The following EFCAB11 variants were observed in gnomAD, a reference collection of about 807,000 sequenced individuals.
EFCAB11 encodes the protein EF-hand calcium binding domain 11.
In EFCAB11, 14 loss-of-function variants were observed where a neutral mutation model predicts 23.0. The observed-to-expected ratio is 0.61, with a 90% CI of 0.40 to 0.95. The LOEUF is 0.95. Ranked by LOEUF, EFCAB11 falls within the 40% of genes least tolerant of loss-of-function variation. EFCAB11 has a pLI of 0.00. For missense variants in EFCAB11, 198 were observed against 195.8 expected (o/e 1.01, Z -0.07); for synonymous variants, 65 against 66.6 (o/e 0.98, Z 0.11).
chr14:89,907,962 C>G (rs752460875), intron 5 of EFCAB11, among the ~76,000 whole-genome samples: 2 of 152,168 alleles, frequency 1.3e-5, no homozygotes, highest in African/African-American at 4.8e-5. Context: ...GCATTTAGAA[C>G]AGGGCTTGGC....
chr14:89,908,341 A>T (rs1475689720), intron 5 of EFCAB11, among the ~76,000 whole-genome samples: 1 of 152,204 alleles, frequency 6.6e-6, no homozygotes, highest in Non-Finnish European at 1.5e-5. Flanking sequence ...ATAAATGAAG[A>T]AACTAAGGCA....
At chr14:89,906,594 T>C (rs770466735) in intron 5 of EFCAB11, among the ~76,000 whole-genome samples, 1 of 152,178 alleles carries the variant, frequency 6.6e-6, no homozygotes, top group Non-Finnish European at 1.5e-5. Context: ...CATTGAAAAA[T>C]TGAAGACAGA....
chr14:89,945,762 G>A (rs1181852408), intron 3 of EFCAB11, among the ~76,000 whole-genome samples: 1 of 152,062 alleles, frequency 6.6e-6, no homozygotes, highest in Non-Finnish European at 1.5e-5. Context: ...TGCTGTTCAC[G>A]TCTCCTATAT....
chr14:89,906,352 CT>C (rs1269563657), intron 5 of EFCAB11, among the ~76,000 whole-genome samples: 1 of 152,094 alleles, frequency 6.6e-6, no homozygotes, highest in Non-Finnish European at 1.5e-5. Flanking sequence ...TTCAATACAA[CT>C]GAGATAATTT....
intron 5 of EFCAB11, among the ~76,000 whole-genome samples, chr14:89,847,611 T>C (rs2140135228): frequency 6.6e-6 from 1 of 152,052 alleles, no homozygotes; most frequent in South Asian, 2.1e-4. Flanking sequence ...TGGTGGCACA[T>C]GCCTGTAATT....
chr14:89,879,917 A>G (rs1888550570), intron 5 of EFCAB11, among the ~76,000 whole-genome samples: 1 of 152,202 alleles, frequency 6.6e-6, no homozygotes, highest in African/African-American at 2.4e-5. Flanking sequence ...AGCAAAATTC[A>G]TTACGTATAA....
intron 5 of EFCAB11, among the ~76,000 whole-genome samples, chr14:89,836,203 C>T (rs1232265218): frequency 3.3e-5 from 5 of 151,524 alleles, no homozygotes; most frequent in African/African-American, 7.3e-5. Flanking sequence ...TGGGGCCCAG[C>T]ATAAGACTCA....
chr14:89,928,134 C>T (rs1890252014), intron 5 of EFCAB11, among the ~76,000 whole-genome samples: 2 of 152,160 alleles, frequency 1.3e-5, no homozygotes, highest in South Asian at 2.1e-4. Flanking sequence ...CTGTATGTTA[C>T]AGTGGTTTCC....
At chr14:89,833,079 T>G (rs1886939840) in intron 5 of EFCAB11, 1 of 152,200 alleles carries the variant, frequency 6.6e-6, no homozygotes, top group African/African-American at 2.4e-5. Context: ...CTACTTACGT[T>G]GCAAACAACG....
intron 5 of EFCAB11, among the ~76,000 whole-genome samples, chr14:89,802,265 C>T (rs963018545): frequency 1.3e-5 from 2 of 148,570 alleles, no homozygotes; most frequent in Middle Eastern, 3.5e-3. Context: ...TACATTGAAA[C>T]GATGGAATCT....
rs545292394 is a variant in EFCAB11, at chr14:89,931,640, A to C, written c.320-9T>G. The C allele has an allele frequency of 6.2e-6, 10 of 1,610,490 alleles. No individual in the cohort carries two copies. The highest frequency in any genetic ancestry group is 1.7e-4 in the Middle Eastern group (1 of 6,058). On this transcript the variant is annotated splice_polypyrimidine_tract_variant and intron_variant, in intron 4 of 5. Transcript: ENST00000316738. The stretch of plus-strand genomic sequence containing the variant: ...AGTTAAAAATCCACGATCTATTTGA[A>C]AACAATAAAAAATATTCACTTACTT...
chr14:89,868,732 A>G (rs149296070), intron 5 of EFCAB11, among the ~76,000 whole-genome samples: 1 of 152,352 alleles, frequency 6.6e-6, no homozygotes, highest in East Asian at 1.9e-4. Context: ...CAGCAAACTA[A>G]GGATAAAGAC....
intron 5 of EFCAB11, chr14:89,836,494 G>T: frequency 2.2e-6 from 1 of 451,934 alleles, no homozygotes; most frequent in South Asian, 1.6e-5. Flanking sequence ...AAGCATGGAT[G>T]TTGGGGGCGG....
At chr14:89,817,591 G>T (rs1886375365) in intron 5 of EFCAB11, among the ~76,000 whole-genome samples, 1 of 152,030 alleles carries the variant, frequency 6.6e-6, no homozygotes, top group Admixed American at 6.6e-5. Context: ...ACATTGTAAA[G>T]AAAAATTTAA....
intron 5 of EFCAB11, among the ~76,000 whole-genome samples, chr14:89,865,743 T>C (rs1410964596): frequency 6.6e-6 from 1 of 152,108 alleles, no homozygotes; most frequent in Non-Finnish European, 1.5e-5. Flanking sequence ...CAGCACACTG[T>C]GGCCTCCACC....
chr14:89,910,227 G>A (rs1184508451), intron 5 of EFCAB11, among the ~76,000 whole-genome samples: 2 of 152,212 alleles, frequency 1.3e-5, no homozygotes, highest in Non-Finnish European at 1.5e-5. Flanking sequence ...GGGACAAAGA[G>A]AAGGCAGGAG....
chr14:89,800,935 C>A (rs113481096), intron 5 of EFCAB11, among the ~76,000 whole-genome samples: 1 of 150,488 alleles, frequency 6.6e-6, no homozygotes, highest in Non-Finnish European at 1.5e-5. Context: ...CCCAGCTACT[C>A]GGGAGGCTGA....
intron 5 of EFCAB11, among the ~76,000 whole-genome samples, chr14:89,849,083 T>C (rs1314711563): frequency 6.6e-6 from 1 of 152,246 alleles, no homozygotes; most frequent in African/African-American, 2.4e-5. Flanking sequence ...GATATCCAAC[T>C]GTAGGCTATT....
chr14:89,864,875 G>A (rs1489796040), intron 5 of EFCAB11, among the ~76,000 whole-genome samples: 1 of 152,192 alleles, frequency 6.6e-6, no homozygotes, highest in Non-Finnish European at 1.5e-5. Context: ...TGTGATTTGG[G>A]AGAGAAGGAT....
Sources: gnomAD v4.1 joint callset for allele counts (sites outside exome capture counted in the v4.1 genomes callset) on GRCh38, gnomAD v4.1.1 for gene constraint, MANE v1.5 for transcripts, NCBI Gene and HGNC (gene_info 2026-07-23, HGNC 2026-07-21) for gene names.